Variants in NOBOX observed in about 807,000 individuals in gnomAD.
The protein encoded by NOBOX is NOBOX oogenesis homeobox.
In NOBOX, 46 loss-of-function variants were observed where a neutral mutation model predicts 60.2. That is an observed-to-expected ratio of 0.76 (90% CI 0.60 to 0.98). The LOEUF (loss-of-function observed/expected upper bound fraction) is 0.98. NOBOX is among the 50% of genes least tolerant of loss of function. The probability of loss-of-function intolerance (pLI) is 0.00; values close to 1 mark genes in which losing one functional copy is unlikely to be tolerated. For synonymous variants in NOBOX, 360 were observed against 346.3 expected (o/e 1.04, Z -0.44); for missense variants, 880 against 865.5 (o/e 1.02, Z -0.21).
Position 144,398,935 on chromosome 7 carries a change from C to T in NOBOX, c.1469+15G>A. 1 of 1,434,912 alleles carries T rather than the reference C, an allele frequency of 7.0e-7. No homozygotes were observed. Among genetic ancestry groups the T allele is most frequent in the South Asian group, 1.2e-5 (1 of 81,570 alleles). 88.9% of individuals were successfully genotyped at this position (1,434,912 alleles called of 1,614,324 possible). A position where few individuals can be genotyped will look rare whatever the true frequency, so the allele number is the denominator to read the frequency against. On this transcript the variant is annotated intron_variant, in intron 8 of 9. Transcript: ENST00000467773. ...CCCAGATAACTAGAGTGACCTACCC[C>T]CGTAGGTTCCTTACCTTGTCCCCCA...
intron 2 of NOBOX, 49 bp downstream of exon 1, chr7:144,403,608 C>T (rs1722928831): frequency 1.5e-6 from 1 of 688,276 alleles, no homozygotes; most frequent in Non-Finnish European, 2.6e-6. Context: ...CCCCCCTCCC[C>T]GAACCCCCAA....
At position 144,397,467 on chromosome 7, in the gene NOBOX, G is replaced by GC; in HGVS notation, c.1848dup (p.His617AlafsTer11). 1.3e-6 allele frequency: 2 copies of GC among 1,537,128 alleles called. No individual in the cohort carries two copies. The highest frequency in any genetic ancestry group is 8.7e-7 in the Non-Finnish European group (1 of 1,146,816). On this transcript the variant is annotated frameshift_variant, in exon 10 of 10. Coordinates refer to ENST00000467773, the MANE Select transcript of NOBOX (RefSeq NM_001080413.3). LOFTEE classifies it low-confidence loss of function (END_TRUNC). ...AAGTAGCCATCCCCTCCTGGGGGAT[G>GC]CCCCAGAGCTTGTGGGCAGAACGGA...
intron 6 of NOBOX, 67 bp downstream of exon 4, chr7:144,399,690 C>A (rs1280788336): frequency 8.8e-6 from 12 of 1,367,802 alleles, no homozygotes; most frequent in African/African-American, 1.4e-5. Context: ...CTTCTAGACC[C>A]TCAGGATCCC....
Position 144,397,457 on chromosome 7 carries a change from C to T in NOBOX, c.1859G>A (p.Gly620Glu). 1 of 1,536,906 alleles carries T rather than the reference C, an allele frequency of 6.5e-7. No individual in the cohort carries two copies. Among genetic ancestry groups the T allele is most frequent in the Non-Finnish European group, 8.7e-7 (1 of 1,146,596 alleles). Residue 620 changes from glycine (G) to glutamate (E), a missense_variant, in exon 10 of 10, where the codon GGA becomes GAA. By Grantham distance (98) the Gly-to-Glu change is moderately conservative. Coordinates refer to ENST00000467773, the MANE Select transcript of NOBOX (RefSeq NM_001080413.3). The stretch of plus-strand genomic sequence containing the variant: ...TAGATCAGGAAAGTAGCCATCCCCT[C>T]CTGGGGGATGCCCCAGAGCTTGTGG...
At chr7:144,398,874 G>C (rs2053914456) in intron 8 of NOBOX, 76 bp downstream of exon 6, 1 of 785,180 alleles carries the variant, frequency 1.3e-6, no homozygotes, top group East Asian at 2.7e-5. Context: ...TCCTCTCTGT[G>C]TCTATCTTCT....
intron 9 of NOBOX, 114 bp from the exon 8 acceptor site, chr7:144,397,655 G>T: frequency 1.1e-6 from 1 of 911,026 alleles, no homozygotes; most frequent in African/African-American, 1.7e-5. Flanking sequence ...CGCAGCTTAG[G>T]ACCTCAGTGT....
At chr7:144,409,229 A>G (rs569051728) in intron 1 of NOBOX, among the ~76,000 whole-genome samples, 38 of 152,282 alleles carry the variant, frequency 2.5e-4, no homozygotes, top group African/African-American at 8.7e-4. Flanking sequence ...TTTAAATGAT[A>G]TCTACACCTT....
chr7:144,400,068 T>C (rs749570162), intron 5 of NOBOX, 138 bp downstream of exon 3: 1 of 1,582,946 alleles, frequency 6.3e-7, no homozygotes, highest in Non-Finnish European at 8.6e-7. Flanking sequence ...CTGGAAACAG[T>C]CAGGGACACA....
At position 144,401,326 on chromosome 7, in the gene NOBOX, T is replaced by C. The variant is rs201423277; in HGVS notation, c.564A>G (p.Pro188=). The C allele has an allele frequency of 2.0e-5, 32 of 1,613,580 alleles. No individual in the cohort carries two copies. The Admixed American group carries it at 3.8e-4, about 19-fold the overall frequency. Reference sequence around the variant, plus strand: ...TCTTTCCTATCTTCACCTCTCCCACTGGGAGGGAACAATCTTCCCCCTGAG... The same window carrying C: ...TCTTTCCTATCTTCACCTCTCCCACCGGGAGGGAACAATCTTCCCCCTGAG... Residue 188 remains proline, a synonymous_variant, in exon 4 of 10, where the codon CCA becomes CCG. Coordinates refer to ENST00000467773, the MANE Select transcript of NOBOX (RefSeq NM_001080413.3). The surrounding 1 kb of genome is among the most constrained non-coding windows in gnomAD (Gnocchi z 4.2).
At chr7:144,403,517 CT>C in intron 2 of NOBOX, 139 bp downstream of exon 1, 1 of 310,066 alleles carries the variant, frequency 3.2e-6, no homozygotes, top group South Asian at 2.7e-5. Context: ...TCCTCCCACC[CT>C]ACCCCACCCG....
chr7:144,400,073 G>T, intron 5 of NOBOX, 133 bp downstream of exon 3: 3 of 1,591,514 alleles, frequency 1.9e-6, no homozygotes, highest in South Asian at 2.2e-5. Flanking sequence ...AACAGTCAGG[G>T]ACACAGCCAC....
chr7:144,399,608 C>A, intron 6 of NOBOX, 126 bp from the exon 5 acceptor site: 2 of 1,115,676 alleles, frequency 1.8e-6, no homozygotes, highest in South Asian at 1.4e-5. Context: ...CTTCCCGATC[C>A]CATGGCAGCC....
chr7:144,401,602 G>A lies in NOBOX; in HGVS notation c.293-5C>T. ...GCTTCTCTCCAGCTTTCTGGCCTGT[G>A]GGGAGCCAACATCCACTGACCTTAG... On this transcript the variant is annotated splice_region_variant and splice_polypyrimidine_tract_variant and intron_variant, in intron 3 of 9. Transcript: ENST00000467773. The surrounding 1 kb of genome is among the most constrained non-coding windows in gnomAD (Gnocchi z 4.2). 2 of 1,502,610 alleles carry A rather than the reference G, an allele frequency of 1.3e-6. No individual in the cohort carries two copies. The highest frequency in any genetic ancestry group is 1.8e-6 in the Non-Finnish European group (2 of 1,134,184). 93.1% of individuals were successfully genotyped at this position (1,502,610 alleles called of 1,614,324 possible). A position where few individuals can be genotyped will look rare whatever the true frequency, so the allele number is the denominator to read the frequency against.
At chr7:144,400,368 A>T (rs2053928951) in intron 4 of NOBOX, 56 bp from the exon 3 acceptor site, 2 of 1,497,250 alleles carry the variant, frequency 1.3e-6, no homozygotes, top group African/African-American at 2.8e-5. Flanking sequence ...AGGTAGGTGA[A>T]GAGAAAGAGA....
In NOBOX at chr7:144,397,388, G is replaced by A; in HGVS notation, c.1928C>T (p.Ser643Leu). 6.5e-7 allele frequency: 1 copy of A among 1,537,274 alleles called. No homozygotes were observed. Among genetic ancestry groups the A allele is most frequent in the South Asian group, 1.2e-5 (1 of 84,062 alleles). Residue 643 changes from serine to leucine, a missense_variant, in exon 10 of 10, where the codon TCA becomes TTA. Physicochemically the swap from Ser to Leu is moderately radical, Grantham distance 145. Transcript: ENST00000467773. ...CCCTTCAGGCATCCATGAGAGAGCT[G>A]ACGAAGGCTGCCTGCCCAGAGCCTG...
chr7:144,408,204 G>A (rs568887173), intron 1 of NOBOX, among the ~76,000 whole-genome samples: 1 of 151,488 alleles, frequency 6.6e-6, no homozygotes, highest in African/African-American at 2.4e-5. Context: ...GCCTTCTCAG[G>A]GTCACTGATC....
In NOBOX at chr7:144,401,206, G is replaced by A. The variant is rs1449167567; in HGVS notation, c.684C>T (p.Ala228=). The A allele has an allele frequency of 6.2e-7, 1 of 1,613,746 alleles. No individual in the cohort carries two copies. The highest frequency in any genetic ancestry group is 8.5e-7 in the Non-Finnish European group (1 of 1,179,798). Residue 228 remains alanine, a synonymous_variant, in exon 4 of 10, where the codon GCC becomes GCT. Coordinates refer to ENST00000467773, the MANE Select transcript of NOBOX (RefSeq NM_001080413.3). This position sits in a 1 kb window ranked among gnomAD's most constrained non-coding sequence, Gnocchi z 4.2. The stretch of plus-strand genomic sequence containing the variant: ...ACCCACAGGGCACTGGGTTGTGTGT[G>A]GCACGGGCTGAGTTAGGGGCACCCG...
rs1417705061 is a variant in NOBOX at position 144,398,508 on chromosome 7, G to A, written c.1548C>T (p.Pro516=). ...GCTGTGGAGCCTGGGAGAACTGGAA[G>A]GGTCCTGGCTGGTTGCTCTGTTGGT... The change falls in exon 9 of 10, where the codon CCC becomes CCT. Residue 516 remains proline (P), a synonymous_variant. Coordinates refer to ENST00000467773, the MANE Select transcript of NOBOX (RefSeq NM_001080413.3). 2.6e-6 allele frequency: 4 copies of A among 1,536,660 alleles called. No individual in the cohort carries two copies. The highest frequency in any genetic ancestry group is 2.6e-6 in the Non-Finnish European group (3 of 1,146,744).
chr7:144,406,414 T>C (rs538942356), intron 1 of NOBOX, among the ~76,000 whole-genome samples: 2 of 152,100 alleles, frequency 1.3e-5, no homozygotes, highest in African/African-American at 2.4e-5. Flanking sequence ...AAAATTTAGC[T>C]GGGTGTGGTG....
Sources: allele counts gnomAD v4.1 joint callset (sites outside exome capture counted in the v4.1 genomes callset), GRCh38; gene constraint gnomAD v4.1.1; non-coding constraint Gnocchi (gnomAD v3.1); transcripts MANE v1.5; gene names NCBI Gene and HGNC (gene_info 2026-07-23, HGNC 2026-07-21).